RBFOX1: variants seen among roughly 807,000 people sequenced by gnomAD.
RBFOX1 encodes the protein RNA binding fox-1 homolog 1, also known as RNA binding protein fox-1 homolog 1.
Under a neutral mutation model 57.7 loss-of-function variants are expected in RBFOX1, and 8 were observed. The observed-to-expected ratio is 0.14, with a 90% CI of 0.08 to 0.25. The LOEUF is 0.25. Ranked by LOEUF, RBFOX1 falls within the 10% of genes least tolerant of loss-of-function variation. The probability of loss-of-function intolerance (pLI) is 1.00; values close to 1 mark genes in which losing one functional copy is unlikely to be tolerated. For missense variants in RBFOX1, 611 were observed against 548.5 expected (o/e 1.11, Z -1.14); for synonymous variants, 326 against 222.4 (o/e 1.47, Z -4.15).
chr16:6,822,365 A>G (rs1170174674), intron 3 of RBFOX1, among the ~76,000 whole-genome samples: 1 of 152,186 alleles, frequency 6.6e-6, no homozygotes, highest in Non-Finnish European at 1.5e-5. Flanking sequence ...TGTTACTGTC[A>G]CTTGCAAGAA....
intron 4 of RBFOX1, among the ~76,000 whole-genome samples, chr16:7,070,736 A>G (rs2057160333): frequency 1.3e-5 from 2 of 152,188 alleles, no homozygotes; most frequent in South Asian, 2.1e-4. Flanking sequence ...CCTGCCCTGA[A>G]TGTTTCCCAA....
chr16:6,471,304 TTTAG>T (rs2095169462), intron 2 of RBFOX1, among the ~76,000 whole-genome samples: 1 of 152,216 alleles, frequency 6.6e-6, no homozygotes. Context: ...GCCCTTTGCC[TTTAG>T]TTAGAACAAG....
chr16:6,926,170 G>C (rs959084944), intron 3 of RBFOX1, among the ~76,000 whole-genome samples: 1 of 152,102 alleles, frequency 6.6e-6, no homozygotes, highest in African/African-American at 2.4e-5. Context: ...AGCTGGGCAT[G>C]GTGGTGTGCA....
intron 4 of RBFOX1, among the ~76,000 whole-genome samples, chr16:7,072,297 A>C (rs1207541443): frequency 6.6e-6 from 1 of 152,166 alleles, no homozygotes; most frequent in African/African-American, 2.4e-5. Flanking sequence ...CTTATTCTTC[A>C]TTCATCACTT....
intron 3 of RBFOX1, among the ~76,000 whole-genome samples, chr16:6,783,295 C>G (rs2081338173): frequency 6.7e-6 from 1 of 150,362 alleles, no homozygotes; most frequent in Non-Finnish European, 1.5e-5. Context: ...TTGTTGTTGT[C>G]ATTTTGTTAG....
intron 2 of RBFOX1, among the ~76,000 whole-genome samples, chr16:6,410,433 TC>T (rs776643502): frequency 6.8e-6 from 1 of 147,946 alleles, no homozygotes; most frequent in Non-Finnish European, 1.5e-5. Context: ...TGCCTCAGCC[TC>T]CCGAGTAGCT....
Position 5,571,754 on chromosome 16 carries a change from C to T in RBFOX1, c.259-27148C>T, listed in dbSNP as rs539556035. Among the ~76,000 whole-genome samples the T allele has an allele frequency of 7.2e-5, 11 of 152,322 alleles. No individual in the cohort carries two copies. In the South Asian group the frequency reaches 2.3e-3, roughly 32 times the overall value. On this transcript the variant is annotated intron_variant, in intron 2 of 2. Coordinates refer to the RBFOX1 transcript ENST00000585867. ...CGCTATCTCTTTTACTCAATAAATA[C>T]GAAGGGAGCTAGAAGCTCAGGGTCC...
rs1177443304 is a variant in RBFOX1, at chr16:5,287,826, T to C, written c.219+47721T>C. ...CCCAATATTAGGGGCTGGAGAAATA[T>C]GCTCCGATTCTTCAGTGGGAGGAAC... On this transcript the variant is annotated intron_variant, in intron 1 of 2. Coordinates refer to the RBFOX1 transcript ENST00000585867. 1.3e-5 allele frequency among the ~76,000 whole-genome samples: 2 copies of C among 152,230 alleles called. 1 individual carries two copies. The highest frequency in any genetic ancestry group is 2.9e-5 in the Non-Finnish European group (2 of 68,036).
At chr16:6,072,250 C>T (rs1177850957) in intron 1 of RBFOX1, among the ~76,000 whole-genome samples, 3 of 152,196 alleles carry the variant, frequency 2.0e-5, no homozygotes, top group Non-Finnish European at 4.4e-5. Flanking sequence ...ATCCAATTAC[C>T]TCCCACTGCG....
At chr16:7,358,092 A>G (rs1184654051) in intron 4 of RBFOX1, among the ~76,000 whole-genome samples, 1 of 152,186 alleles carries the variant, frequency 6.6e-6, no homozygotes, top group Non-Finnish European at 1.5e-5. Context: ...TCGATAGGTA[A>G]TTTACAAGAC....
chr16:6,407,564 T>TCACAGAGAGA (rs2093327840), intron 2 of RBFOX1, among the ~76,000 whole-genome samples: 2 of 68,606 alleles, frequency 2.9e-5, no homozygotes, highest in African/African-American at 1.0e-4. Context: ...TGTGTGTGTG[T>TCACAGAGAGA]GTGACAGAGA....
At chr16:7,578,540 G>A (rs2093506082) in intron 5 of RBFOX1, among the ~76,000 whole-genome samples, 1 of 152,120 alleles carries the variant, frequency 6.6e-6, no homozygotes, top group Non-Finnish European at 1.5e-5. Context: ...CTGAGTGTTT[G>A]TTTTGTATTT....
chr16:5,782,422 T>A (rs576527184), intron 3 of RBFOX1, among the ~76,000 whole-genome samples: 1 of 152,244 alleles, frequency 6.6e-6, no homozygotes, highest in South Asian at 2.1e-4. Flanking sequence ...ATTAATGCAT[T>A]TGAGAGGGCA....
chr16:6,868,446 A>C (rs909894494), intron 3 of RBFOX1, among the ~76,000 whole-genome samples: 1 of 152,000 alleles, frequency 6.6e-6, no homozygotes, highest in Non-Finnish European at 1.5e-5. Context: ...TAGGAAAGTC[A>C]CATTCAAGCC....
At chr16:5,501,185 G>A (rs1298019672) in intron 2 of RBFOX1, among the ~76,000 whole-genome samples, 1 of 151,772 alleles carries the variant, frequency 6.6e-6, no homozygotes, top group Non-Finnish European at 1.5e-5. Flanking sequence ...GGGTGTGGTG[G>A]TGGGTGCCTG....
chr16:7,097,462 C>T (rs1028430933), intron 4 of RBFOX1, among the ~76,000 whole-genome samples: 10 of 152,140 alleles, frequency 6.6e-5, no homozygotes, highest in Admixed American at 5.9e-4. Flanking sequence ...AAGAACCCTA[C>T]AGAGGAGGAC....
intron 3 of RBFOX1, among the ~76,000 whole-genome samples, chr16:6,934,149 C>T (rs113365654): frequency 0.014 from 2,157 of 152,212 alleles, 23 homozygotes; most frequent in Non-Finnish European, 0.018. Flanking sequence ...TCCTGGGCTT[C>T]TGGTACAGAG....
At chr16:7,638,335 A>G (rs1191922720) in intron 11 of RBFOX1, among the ~76,000 whole-genome samples, 1 of 152,210 alleles carries the variant, frequency 6.6e-6, no homozygotes, top group Admixed American at 6.5e-5. Context: ...GGGGGCGTTA[A>G]GAAGCTTGTC....
intron 4 of RBFOX1, among the ~76,000 whole-genome samples, chr16:7,279,153 A>G (rs759242210): frequency 7.3e-6 from 1 of 137,046 alleles, no homozygotes; most frequent in Admixed American, 7.5e-5. Flanking sequence ...TTAAACATGG[A>G]TCTTTGGCCA....
Sources: gnomAD v4.1 joint callset for allele counts (sites outside exome capture counted in the v4.1 genomes callset) on GRCh38, gnomAD v4.1.1 for gene constraint, MANE v1.5 for transcripts, NCBI Gene and HGNC (gene_info 2026-07-23, HGNC 2026-07-21) for gene names.